TNFSF4: variants seen among roughly 807,000 people sequenced by gnomAD.
TNFSF4 encodes the protein tumor necrosis factor ligand superfamily member 4.
In TNFSF4, 4 loss-of-function variants were observed where a neutral mutation model predicts 7.3. The ratio of observed to expected loss-of-function variants is 0.55; its 90% confidence interval spans 0.27 to 1.25. TNFSF4 has a LOEUF of 1.25. TNFSF4 is among the 50% of genes most tolerant of loss of function. TNFSF4 has a pLI of 0.12. For missense variants in TNFSF4, 181 were observed against 208.8 expected (o/e 0.87, Z 0.82); for synonymous variants, 76 against 83.7 (o/e 0.91, Z 0.50).
the TNFSF4 span, among the ~76,000 whole-genome samples, chr1:173,361,842 A>C: frequency 6.6e-6 from 1 of 152,210 alleles, no homozygotes; most frequent in Non-Finnish European, 1.5e-5. Context: ...AATACTCCAA[A>C]ATCTATTTAA....
At chr1:173,401,690 T>C in the TNFSF4 span, among the ~76,000 whole-genome samples, 8 of 152,084 alleles carry the variant, frequency 5.3e-5, no homozygotes, top group African/African-American at 1.7e-4. Context: ...AGACAGCAGA[T>C]CATGAAGCTT....
chr1:173,226,186 G>A, the TNFSF4 span, among the ~76,000 whole-genome samples: 1 of 152,128 alleles, frequency 6.6e-6, no homozygotes, highest in Non-Finnish European at 1.5e-5. Flanking sequence ...TTATGAAACA[G>A]ATTATCAGTT....
chr1:173,405,978 T>G, the TNFSF4 span, among the ~76,000 whole-genome samples: 1 of 152,242 alleles, frequency 6.6e-6, no homozygotes, highest in Non-Finnish European at 1.5e-5. Flanking sequence ...CACGTGGGTG[T>G]GTGTTATTGG....
chr1:173,367,719 C>T, the TNFSF4 span, among the ~76,000 whole-genome samples: 1 of 152,204 alleles, frequency 6.6e-6, no homozygotes, highest in Admixed American at 6.5e-5. Flanking sequence ...AAATCTGCCT[C>T]TGAACATAAG....
chr1:173,443,738 C>T, the TNFSF4 span, among the ~76,000 whole-genome samples: 2 of 152,250 alleles, frequency 1.3e-5, no homozygotes, highest in Non-Finnish European at 2.9e-5. Flanking sequence ...TGTTCCTCCA[C>T]TTTGGTCCTC....
chr1:173,365,322 C>G, the TNFSF4 span, among the ~76,000 whole-genome samples: 2 of 152,108 alleles, frequency 1.3e-5, no homozygotes, highest in African/African-American at 4.8e-5. Context: ...TCTACAGAAG[C>G]AACATTATTT....
intron 1 of TNFSF4, among the ~76,000 whole-genome samples, chr1:173,195,025 G>A (rs1649640804): frequency 1.3e-5 from 2 of 151,994 alleles, no homozygotes; most frequent in Non-Finnish European, 2.9e-5. Flanking sequence ...ATATTTTACA[G>A]ATAGGGAAAT....
At position 173,191,654 on chromosome 1, in the gene TNFSF4, G is replaced by C. The variant is rs531635135; in HGVS notation, c.154-3085C>G. Reference sequence around the variant, plus strand: ...TCCTTGCACTTGGGTAGGCAGCCTGGTAGGATGGCACAAAGAGCATAGACT... The same window carrying C: ...TCCTTGCACTTGGGTAGGCAGCCTGCTAGGATGGCACAAAGAGCATAGACT... On this transcript the variant is annotated intron_variant, in intron 1 of 2. Transcript: ENST00000281834. 6.2e-4 allele frequency among the ~76,000 whole-genome samples: 95 copies of C among 152,326 alleles called. No homozygotes were observed. In the Middle Eastern group the frequency reaches 0.02, roughly 33 times the overall value.
At chr1:173,434,363 C>T in the TNFSF4 span, among the ~76,000 whole-genome samples, 1 of 152,210 alleles carries the variant, frequency 6.6e-6, no homozygotes, top group Non-Finnish European at 1.5e-5. Flanking sequence ...ATTTTCTAAA[C>T]TTCTTTTTAC....
the TNFSF4 span, among the ~76,000 whole-genome samples, chr1:173,229,378 G>A: frequency 1.3e-5 from 2 of 152,142 alleles, no homozygotes; most frequent in Non-Finnish European, 2.9e-5. Flanking sequence ...AGACAAGCAA[G>A]TGCTGAGAGA....
the TNFSF4 span, among the ~76,000 whole-genome samples, chr1:173,334,948 C>T: frequency 2.4e-4 from 37 of 152,142 alleles, no homozygotes; most frequent in South Asian, 4.1e-4. Context: ...AAAAGAACTA[C>T]TCAAGTTTTC....
the TNFSF4 span, among the ~76,000 whole-genome samples, chr1:173,388,918 G>T: frequency 6.6e-6 from 1 of 152,170 alleles, no homozygotes; most frequent in Non-Finnish European, 1.5e-5. Flanking sequence ...AAAAGTTTCA[G>T]AACTACTGAC....
At chr1:173,318,320 G>C in the TNFSF4 span, among the ~76,000 whole-genome samples, 2 of 152,128 alleles carry the variant, frequency 1.3e-5, no homozygotes, top group Non-Finnish European at 2.9e-5. Context: ...GGTAATGCCT[G>C]TAGTAGAGAC....
At chr1:173,180,832 T>C (rs148141204), downstream of TNFSF4, among the ~76,000 whole-genome samples, 33 of 152,290 alleles carry the variant, frequency 2.2e-4, no homozygotes, top group East Asian at 6.4e-3. Context: ...AGGGATACGA[T>C]GAACAATAGA....
At chr1:173,400,170 G>T in the TNFSF4 span, among the ~76,000 whole-genome samples, 141 of 152,338 alleles carry the variant, frequency 9.3e-4, 1 homozygote, top group East Asian at 0.022. Context: ...AGTGTAGCAT[G>T]GAATTCACTT....
the TNFSF4 span, among the ~76,000 whole-genome samples, chr1:173,289,949 T>TA: frequency 1.3e-5 from 2 of 149,070 alleles, no homozygotes; most frequent in African/African-American, 4.9e-5. Context: ...TATTTGAGGC[T>TA]AAAAAAAAAA....
At chr1:173,232,729 T>C in the TNFSF4 span, among the ~76,000 whole-genome samples, 2 of 152,232 alleles carry the variant, frequency 1.3e-5, no homozygotes, top group African/African-American at 4.8e-5. Context: ...GAGATAATCA[T>C]GTGGTTTTTG....
chr1:173,380,109 A>G, the TNFSF4 span, among the ~76,000 whole-genome samples: 2 of 152,288 alleles, frequency 1.3e-5, no homozygotes, highest in Non-Finnish European at 1.5e-5. Flanking sequence ...GACTGTCCTC[A>G]AGGTCCGTTA....
chr1:173,246,948 G>C, the TNFSF4 span, among the ~76,000 whole-genome samples: 11 of 152,030 alleles, frequency 7.2e-5, no homozygotes, highest in African/African-American at 2.7e-4. Context: ...TGCCTATAAG[G>C]GCTAGATCTT....
Sources: allele counts gnomAD v4.1 joint callset (sites outside exome capture counted in the v4.1 genomes callset), GRCh38; gene constraint gnomAD v4.1.1; transcripts MANE v1.5; gene names NCBI Gene and HGNC (gene_info 2026-07-23, HGNC 2026-07-21).